Variants in ZC3H7B observed in about 807,000 individuals in gnomAD.
The protein encoded by ZC3H7B is zinc finger CCCH domain-containing protein 7B.
A neutral mutation model predicts 116.0 loss-of-function variants in ZC3H7B; 35 were observed. The ratio of observed to expected loss-of-function variants is 0.30; its 90% CI spans 0.23 to 0.40. The LOEUF (loss-of-function observed/expected upper bound fraction) is 0.40. ZC3H7B is among the 10% of genes least tolerant of loss of function. The probability of loss-of-function intolerance (pLI) is 1.00; values close to 1 mark genes in which losing one functional copy is unlikely to be tolerated. For synonymous variants in ZC3H7B, 502 were observed against 545.6 expected, an observed-to-expected ratio of 0.92 and a Z score of 1.11; for missense variants, 1,011 against 1,321.5, an observed-to-expected ratio of 0.77 and a Z score of 3.64.
Position 41,355,978 on chromosome 22 carries a change from C to T in ZC3H7B, c.2299C>T (p.Arg767Cys), listed in dbSNP as rs951652775. 4 of 1,567,176 alleles carry T rather than the reference C, an allele frequency of 2.6e-6. No homozygotes were observed. The highest frequency in any genetic ancestry group is 2.2e-5 in the East Asian group (1 of 44,512). ...YDLCIHAQNG[R>C]KCQYVGNCSF... The stretch of plus-strand genomic sequence containing the variant: ...GCTCTGCATCCATGCACAGAACGGC[C>T]GCAAGTGCCAATATGTGGGGAACTG... Residue 767 changes from arginine (R) to cysteine (C), a missense_variant, in exon 20 of 23, where the codon CGC becomes TGC. This residue lies in a region of ZC3H7B where 406 missense variants were observed against 590.2 expected (regional missense o/e 0.69). Transcript: ENST00000352645.
intron 17 of ZC3H7B, among the ~76,000 whole-genome samples, chr22:41,352,999 G>A (rs973708368): frequency 5.9e-5 from 9 of 151,758 alleles, no homozygotes; most frequent in African/African-American, 2.2e-4. Context: ...AGAATTACTT[G>A]AACCCAGGAG....
intron 1 of ZC3H7B, among the ~76,000 whole-genome samples, chr22:41,307,692 T>C (rs1343436447): frequency 6.6e-6 from 1 of 152,218 alleles, no homozygotes; most frequent in Non-Finnish European, 1.5e-5. Flanking sequence ...TGACATTTCC[T>C]ATGCCTTCTC....
Position 41,302,980 on chromosome 22 carries a change from TAGC to T in ZC3H7B, c.-7+1211_-7+1213del, listed in dbSNP as rs1201009179. Reference sequence around the variant, plus strand: ...CATCTGCAGTTCAGCCTGATGAAAATAGCAGAATGCAGATCCTTGAATTTTCAC... The same window carrying T: ...CATCTGCAGTTCAGCCTGATGAAAATAGAATGCAGATCCTTGAATTTTCAC... On this transcript the variant is annotated intron_variant, in intron 1 of 22. Coordinates refer to ENST00000352645, the MANE Select transcript of ZC3H7B (RefSeq NM_017590.6). The surrounding 1 kb of genome is among the most constrained non-coding windows in gnomAD (Gnocchi z 5.7). 3.3e-5 allele frequency among the ~76,000 whole-genome samples: 5 copies of T among 152,212 alleles called. No individual in the cohort carries two copies. Among genetic ancestry groups the T allele is most frequent in the African/African-American group, 7.2e-5 (3 of 41,456 alleles).
At chr22:41,320,866 G>A (rs907836131) in intron 2 of ZC3H7B, among the ~76,000 whole-genome samples, 153 bp downstream of exon 2, 4 of 152,172 alleles carry the variant, frequency 2.6e-5, no homozygotes, top group Non-Finnish European at 5.9e-5. Flanking sequence ...GGAGGAGCCA[G>A]GAAGGGGCTG....
At chr22:41,334,682 CAT>C (rs2036421525) in intron 7 of ZC3H7B, 1 of 152,324 alleles carries the variant, frequency 6.6e-6, no homozygotes, top group South Asian at 2.1e-4. Context: ...CCCTAGGACA[CAT>C]GAGGGCAGGG....
At position 41,325,901 on chromosome 22, in the gene ZC3H7B, G is replaced by A. The variant is rs77648879; in HGVS notation, c.268G>A (p.Ala90Thr). 34 of 1,607,172 alleles carry A rather than the reference G, an allele frequency of 2.1e-5. No individual in the cohort carries two copies. The African/African-American group carries it at 2.7e-4, about 13-fold the overall frequency. ...LLCKLHVNRA[A>T]CYFTMGLYEK... ...GTGCAAGCTGCATGTCAATAGGGCC[G>A]CCTGCTACTTCACCATGGTGAGCCT... The change falls in exon 4 of 23, where the codon GCC (alanine) becomes ACC (threonine). Residue 90 changes from alanine (A) to threonine (T), a missense_variant. Transcript: ENST00000352645.
At chr22:41,333,695 A>G (rs2036410297) in intron 7 of ZC3H7B, 1 of 152,204 alleles carries the variant, frequency 6.6e-6, no homozygotes, top group African/African-American at 2.4e-5. Flanking sequence ...AATGAATGAA[A>G]GGTGATTTGT....
intron 6 of ZC3H7B, among the ~76,000 whole-genome samples, chr22:41,331,574 A>AAG (rs1441233445): frequency 9.3e-5 from 14 of 150,728 alleles, no homozygotes; most frequent in East Asian, 7.8e-4. Context: ...AAAAAAAAAA[A>AAG]AGAGAGAGCA....
At position 41,340,036 on chromosome 22, in the gene ZC3H7B, T is replaced by C; in HGVS notation, c.1037T>C (p.Leu346Pro). 1 of 1,611,412 alleles carries C rather than the reference T, an allele frequency of 6.2e-7. No individual in the cohort carries two copies. Among genetic ancestry groups the C allele is most frequent in the Non-Finnish European group, 8.5e-7 (1 of 1,179,984 alleles). ...GCCCTCGATCCCCCGGGCCCCACGCTGGACCCCCTGGACCTGCTGCCGTAC... is the reference window on the plus strand; with the variant it reads ...GCCCTCGATCCCCCGGGCCCCACGCCGGACCCCCTGGACCTGCTGCCGTAC... Reference protein sequence around the residue: ...LDALDPPGPTLDPLDLLPYSE... With the variant: ...LDALDPPGPTPDPLDLLPYSE... Residue 346 changes from leucine (L) to proline (P), a missense_variant, in exon 10 of 23, where the codon CTG (leucine) becomes CCG (proline). By Grantham distance (98) the Leu-to-Pro change is moderately conservative (BLOSUM62 -3). This residue lies in a region of ZC3H7B where 99 missense variants were observed against 89.5 expected (regional missense o/e 1.11). Coordinates refer to ENST00000352645, the MANE Select transcript of ZC3H7B (RefSeq NM_017590.6).
At chr22:41,348,275 G>T (rs2036613243) in intron 15 of ZC3H7B, 108 bp downstream of exon 15, 1 of 949,380 alleles carries the variant, frequency 1.1e-6, no homozygotes, top group Admixed American at 2.1e-5. Context: ...GATGTAGGGT[G>T]CAAGGAAAGG....
rs1246141263 is a variant in ZC3H7B at position 41,356,492 on chromosome 22, T to C, written c.2517+16T>C. 5.0e-6 allele frequency: 8 copies of C among 1,613,732 alleles called. No individual in the cohort carries two copies. The East Asian group carries it at 1.3e-4, about 27-fold the overall frequency. Reference sequence around the variant, plus strand: ...GGACATCATGGTAACGCCTCCGCCCTGCATGCTCGGGGCTGCGGTCGGGGC... The same window carrying C: ...GGACATCATGGTAACGCCTCCGCCCCGCATGCTCGGGGCTGCGGTCGGGGC... On this transcript the variant is annotated intron_variant, in intron 21 of 22. Transcript: ENST00000352645.
At chr22:41,340,765 G>C (rs2093052120) in intron 10 of ZC3H7B, among the ~76,000 whole-genome samples, 1 of 152,226 alleles carries the variant, frequency 6.6e-6, no homozygotes, top group South Asian at 2.1e-4. Context: ...GCATGGCGCG[G>C]GGCTGGCTGA....
At chr22:41,316,060 C>A (rs914618771) in intron 1 of ZC3H7B, among the ~76,000 whole-genome samples, 2 of 150,532 alleles carry the variant, frequency 1.3e-5, no homozygotes, top group South Asian at 4.2e-4. Flanking sequence ...ATGGCGCTAT[C>A]TCGGCTCACC....
intron 1 of ZC3H7B, among the ~76,000 whole-genome samples, chr22:41,312,268 A>G (rs1311276465): frequency 2.6e-5 from 4 of 151,738 alleles, no homozygotes; most frequent in Non-Finnish European, 5.9e-5. Flanking sequence ...GGTGTTCAAG[A>G]CCAGCCTGGA....
chr22:41,309,252 C>A (rs552270888), intron 1 of ZC3H7B, among the ~76,000 whole-genome samples: 1 of 151,818 alleles, frequency 6.6e-6, no homozygotes, highest in Admixed American at 6.6e-5. Flanking sequence ...CCTCGTGATC[C>A]GCCCATCTCG....
rs2145939384 is a variant in ZC3H7B at position 41,349,674 on chromosome 22, G to A, written c.1948+373G>A. Among the ~76,000 whole-genome samples the A allele has an allele frequency of 6.6e-6, 1 of 152,310 alleles. No homozygotes were observed. Among genetic ancestry groups the A allele is most frequent in the African/African-American group, 2.4e-5 (1 of 41,556 alleles). On this transcript the variant is annotated intron_variant, in intron 16 of 22. Coordinates refer to ENST00000352645, the MANE Select transcript of ZC3H7B (RefSeq NM_017590.6). The surrounding 1 kb of genome is among the most constrained non-coding windows in gnomAD (Gnocchi z 4.9). ...CACTGAGCCTCCAGTGCTCATCTGG[G>A]AAATGGGGAGCCCCATCTCTTCCTC...
At chr22:41,308,593 C>T (rs975158928) in intron 1 of ZC3H7B, among the ~76,000 whole-genome samples, 1 of 152,202 alleles carries the variant, frequency 6.6e-6, no homozygotes, top group Non-Finnish European at 1.5e-5. Context: ...CCTAACCAAT[C>T]TCCCAGTATC....
chr22:41,342,607 C>G lies in ZC3H7B; in HGVS notation c.1276C>G (p.Gln426Glu). 1.2e-6 allele frequency: 2 copies of G among 1,612,822 alleles called. No homozygotes were observed. The highest frequency in any genetic ancestry group is 1.7e-6 in the Non-Finnish European group (2 of 1,179,866). ...CACCCACGAGTTCAAGCAGGCCTGC[C>G]AGCTCTGCTACCCCAAGACAGGTAA... ...AATHEFKQAC[Q>E]LCYPKTGPRA... is the part of the protein sequence containing the mutation. Residue 426 changes from glutamine (Q) to glutamate (E), a missense_variant, in exon 12 of 23, where the codon CAG becomes GAG. By Grantham distance (29) the Gln-to-Glu change is conservative (BLOSUM62 2). This residue lies in a region of ZC3H7B where 179 missense variants were observed against 178.5 expected (regional missense o/e 1.00). Transcript: ENST00000352645.
chr22:41,322,710 A>T (rs2036272867), intron 2 of ZC3H7B, among the ~76,000 whole-genome samples: 1 of 152,140 alleles, frequency 6.6e-6, no homozygotes, highest in Non-Finnish European at 1.5e-5. Flanking sequence ...TTTCTTAAAT[A>T]GGGCTCCCCA....
Sources: gnomAD v4.1 joint callset for allele counts (sites outside exome capture counted in the v4.1 genomes callset) on GRCh38, gnomAD v4.1.1 for gene constraint, gnomAD v4.1.1 regional missense constraint, Gnocchi (gnomAD v3.1) non-coding constraint, MANE v1.5 for transcripts, NCBI Gene and HGNC (gene_info 2026-07-23, HGNC 2026-07-21) for gene names.